CDKAL1: variants seen among roughly 807,000 people sequenced by gnomAD.
The protein encoded by CDKAL1 is CDKAL1 threonylcarbamoyladenosine tRNA methylthiotransferase.
A neutral mutation model predicts 68.2 loss-of-function variants in CDKAL1; 32 were observed. The observed-to-expected ratio is 0.47, with a 90% CI of 0.35 to 0.63. The LOEUF (loss-of-function observed/expected upper bound fraction) is 0.63. CDKAL1 is among the 30% of genes least tolerant of loss of function. The probability of loss-of-function intolerance (pLI) is 0.00; values close to 1 mark genes in which losing one functional copy is unlikely to be tolerated. For synonymous variants in CDKAL1, 234 were observed against 244.3 expected, an observed-to-expected ratio of 0.96 and a Z score of 0.39; for missense variants, 606 against 696.7, an observed-to-expected ratio of 0.87 and a Z score of 1.47.
At chr6:20,959,099 C>A (rs138489851) in intron 10 of CDKAL1, among the ~76,000 whole-genome samples, 19 of 152,206 alleles carry the variant, frequency 1.2e-4, no homozygotes, top group African/African-American at 4.3e-4. Flanking sequence ...TTGTGTGTGG[C>A]ACTTTATATA....
chr6:21,142,178 A>G (rs1348378502), intron 13 of CDKAL1, among the ~76,000 whole-genome samples: 1 of 152,144 alleles, frequency 6.6e-6, no homozygotes, highest in African/African-American at 2.4e-5. Flanking sequence ...ATTTGCTGCC[A>G]GTTCCTTCCT....
At chr6:20,945,449 T>G (rs1036638353) in intron 9 of CDKAL1, among the ~76,000 whole-genome samples, 1 of 152,244 alleles carries the variant, frequency 6.6e-6, no homozygotes, top group Non-Finnish European at 1.5e-5. Flanking sequence ...CAAATTATCA[T>G]ATTTATAATT....
intron 8 of CDKAL1, among the ~76,000 whole-genome samples, chr6:20,813,336 T>C (rs1449126001): frequency 6.6e-6 from 1 of 152,220 alleles, no homozygotes; most frequent in East Asian, 1.9e-4. Flanking sequence ...CTAGGATTTC[T>C]TTTATATGCT....
intron 7 of CDKAL1, among the ~76,000 whole-genome samples, chr6:20,763,343 A>G (rs1432777897): frequency 6.6e-6 from 1 of 152,128 alleles, no homozygotes; most frequent in African/African-American, 2.4e-5. Context: ...GGATGGAAAC[A>G]GCACCCCGTT....
intron 9 of CDKAL1, among the ~76,000 whole-genome samples, chr6:20,946,713 C>T (rs757374492): frequency 6.6e-6 from 1 of 151,058 alleles, no homozygotes; most frequent in Non-Finnish European, 1.5e-5. Context: ...TTCTCCTGCT[C>T]AGCCTCCCGA....
intron 8 of CDKAL1, among the ~76,000 whole-genome samples, chr6:20,826,126 A>G (rs1027296133): frequency 4.6e-5 from 7 of 152,124 alleles, no homozygotes; most frequent in African/African-American, 7.2e-5. Flanking sequence ...TGTAGGGGAA[A>G]CTGGAGTTTG....
chr6:21,221,106 G>T (rs1779524156), intron 15 of CDKAL1, among the ~76,000 whole-genome samples: 1 of 152,072 alleles, frequency 6.6e-6, no homozygotes, highest in Admixed American at 6.6e-5. Context: ...GGCGGAGGTT[G>T]CAGTGAGCCA....
chr6:20,786,929 A>G (rs541331796), intron 8 of CDKAL1, among the ~76,000 whole-genome samples: 18 of 152,170 alleles, frequency 1.2e-4, no homozygotes, highest in Non-Finnish European at 2.5e-4. Context: ...CTCTGACCCT[A>G]TGAAAGTCAT....
chr6:20,669,412 G>T lies in CDKAL1; in HGVS notation c.371+20035G>T, dbSNP rs574461262. On this transcript the variant is annotated intron_variant, in intron 5 of 15. Coordinates refer to ENST00000274695, the MANE Select transcript of CDKAL1 (RefSeq NM_017774.3). ...GTAGCCTCATGGTTCTTTATTTTTT[G>T]AGACATAATCCGTAACTATCATTAT... Among the ~76,000 whole-genome samples the T allele has an allele frequency of 8.5e-4, 129 of 151,948 alleles. 1 individual carries two copies. The highest frequency in any genetic ancestry group is 3.1e-3 in the African/African-American group (127 of 41,478).
intron 12 of CDKAL1, among the ~76,000 whole-genome samples, chr6:21,103,238 G>A (rs566730920): frequency 2.0e-5 from 3 of 152,274 alleles, no homozygotes; most frequent in African/African-American, 4.8e-5. Flanking sequence ...GCTAAAATTT[G>A]ATTGGTTGTA....
intron 5 of CDKAL1, among the ~76,000 whole-genome samples, chr6:20,701,750 T>A (rs571987992): frequency 6.6e-6 from 1 of 152,310 alleles, no homozygotes; most frequent in Non-Finnish European, 1.5e-5. Flanking sequence ...GTAAATATCC[T>A]ATGTACCTGG....
chr6:20,816,278 G>C (rs1033105009), intron 8 of CDKAL1, among the ~76,000 whole-genome samples: 1 of 152,118 alleles, frequency 6.6e-6, no homozygotes. Flanking sequence ...ATTCTGCAGG[G>C]ATACTAGTCA....
chr6:21,016,359 C>A (rs1768333102), intron 11 of CDKAL1, among the ~76,000 whole-genome samples: 1 of 152,062 alleles, frequency 6.6e-6, no homozygotes, highest in Non-Finnish European at 1.5e-5. Flanking sequence ...TCACTGCCCA[C>A]CCCTCTGAAG....
intron 9 of CDKAL1, among the ~76,000 whole-genome samples, chr6:20,935,013 A>G (rs1763637981): frequency 6.7e-6 from 1 of 148,920 alleles, no homozygotes; most frequent in African/African-American, 2.5e-5. Flanking sequence ...CTCTTGCCTC[A>G]GCCTCCTGAG....
At chr6:21,046,145 G>A (rs991088567) in intron 11 of CDKAL1, among the ~76,000 whole-genome samples, 4 of 152,172 alleles carry the variant, frequency 2.6e-5, no homozygotes, top group African/African-American at 9.7e-5. Flanking sequence ...TATATGAAAA[G>A]AGTGCCTTCC....
In CDKAL1 at chr6:21,231,213, C is replaced by T; in HGVS notation, c.*174C>T. ...CCCCTGTCTCACATTGAGTTGGGCC[C>T]ATTGGTTATTTGACCTAAAACCTAA... On this transcript the variant is annotated 3_prime_UTR_variant, in exon 16 of 16. Transcript: ENST00000274695. 2.1e-6 allele frequency: 1 copy of T among 466,910 alleles called. No homozygotes were observed. Among genetic ancestry groups the T allele is most frequent in the Non-Finnish European group, 3.7e-6 (1 of 266,822 alleles). The allele number at this position is 466,910 out of a possible 1,614,324, so 28.9% of individuals were successfully genotyped here. A position where few individuals can be genotyped will look rare whatever the true frequency, so the allele number is the denominator to read the frequency against.
chr6:21,184,927 A>G lies in CDKAL1; in HGVS notation c.1300-13094A>G, dbSNP rs1777948464. 2.0e-5 allele frequency among the ~76,000 whole-genome samples: 3 copies of G among 148,158 alleles called. No homozygotes were observed. In the South Asian group the frequency reaches 6.4e-4, roughly 32 times the overall value. On this transcript the variant is annotated intron_variant, in intron 13 of 15. Coordinates refer to ENST00000274695, the MANE Select transcript of CDKAL1 (RefSeq NM_017774.3). ...AGTGATCTACCCACCTCAACCTCCC[A>G]AAGTGCTAGGATTACAGGGTGAGCC... is the stretch of plus-strand genomic sequence containing the variant.
At chr6:21,206,071 T>C (rs1427881638) in intron 15 of CDKAL1, among the ~76,000 whole-genome samples, 1 of 151,816 alleles carries the variant, frequency 6.6e-6, no homozygotes, top group Non-Finnish European at 1.5e-5. Context: ...GACCTTGTGA[T>C]CCGCCCGCCT....
intron 5 of CDKAL1, among the ~76,000 whole-genome samples, chr6:20,727,131 T>A (rs898592011): frequency 2.0e-5 from 3 of 152,098 alleles, no homozygotes; most frequent in African/African-American, 7.2e-5. Context: ...CCATAGGAAT[T>A]TAGAAAAATG....
Sources: allele counts gnomAD v4.1 joint callset (sites outside exome capture counted in the v4.1 genomes callset), GRCh38; gene constraint gnomAD v4.1.1; transcripts MANE v1.5; gene names NCBI Gene and HGNC (gene_info 2026-07-23, HGNC 2026-07-21).